CARD8: variants seen among roughly 807,000 people sequenced by gnomAD.
CARD8 encodes caspase recruitment domain-containing protein 8.
In CARD8, 38 loss-of-function variants were observed where a neutral mutation model predicts 53.2. The ratio of observed to expected loss-of-function variants is 0.71; its 90% CI spans 0.55 to 0.94. The LOEUF (loss-of-function observed/expected upper bound fraction) is 0.94. Among genes scored for constraint, CARD8 ranks in the 40% least tolerant of loss-of-function variants. The pLI is 0.00. For missense variants in CARD8, 561 were observed against 655.5 expected, an observed-to-expected ratio of 0.86 and a Z score of 1.57; for synonymous variants, 245 against 244.9, an observed-to-expected ratio of 1.00 and a Z score of 0.00.
At chr19:48,226,834 T>A (rs1411127611) in intron 10 of CARD8, among the ~76,000 whole-genome samples, 1 of 151,602 alleles carries the variant, frequency 6.6e-6, no homozygotes, top group Non-Finnish European at 1.5e-5. Flanking sequence ...AGAAAAGAAA[T>A]CGAGGCCGAG....
intron 3 of CARD8, among the ~76,000 whole-genome samples, chr19:48,248,655 G>C (rs772126681): frequency 6.6e-6 from 1 of 152,192 alleles, no homozygotes; most frequent in African/African-American, 2.4e-5. Context: ...TGAAAACACA[G>C]CCGCTTTGGA....
intron 3 of CARD8, among the ~76,000 whole-genome samples, chr19:48,242,798 A>G (rs2045427046): frequency 6.6e-6 from 1 of 152,100 alleles, no homozygotes; most frequent in Admixed American, 6.6e-5. Context: ...TGTTTTCCAA[A>G]GCGCCAATTT....
chr19:48,248,065 CTTAAA>C (rs550601405), intron 3 of CARD8, among the ~76,000 whole-genome samples: 280 of 152,146 alleles, frequency 1.8e-3, no homozygotes, highest in Admixed American at 3.5e-3. Context: ...TACTCTTCAC[CTTAAA>C]TTGTCTTTTT....
intron 10 of CARD8, among the ~76,000 whole-genome samples, chr19:48,225,830 A>T (rs1449442397): frequency 6.6e-6 from 1 of 152,144 alleles, no homozygotes; most frequent in African/African-American, 2.4e-5. Context: ...AGGCGGGTGG[A>T]TCACCTGAGG....
intron 10 of CARD8, among the ~76,000 whole-genome samples, chr19:48,226,560 A>C (rs1387064129): frequency 5.3e-5 from 8 of 152,160 alleles, no homozygotes. Flanking sequence ...GTACATGTGC[A>C]GATTTGTTGT....
chr19:48,225,552 A>T (rs1043970592), intron 10 of CARD8, among the ~76,000 whole-genome samples: 3 of 152,156 alleles, frequency 2.0e-5, no homozygotes, highest in African/African-American at 7.2e-5. Flanking sequence ...GGCTTTCGGA[A>T]GCAGAAATCT....
intron 3 of CARD8, among the ~76,000 whole-genome samples, chr19:48,246,082 C>T (rs554599593): frequency 3.1e-4 from 47 of 152,196 alleles, no homozygotes; most frequent in Middle Eastern, 3.4e-3. Context: ...TACTTGTTAT[C>T]CCTCCTTAGA....
intron 3 of CARD8, among the ~76,000 whole-genome samples, chr19:48,245,368 C>A (rs1044060563): frequency 6.6e-6 from 1 of 152,078 alleles, no homozygotes; most frequent in South Asian, 2.1e-4. Flanking sequence ...CACCACCATG[C>A]CTGGCTAATT....
At chr19:48,244,790 C>T (rs993160496) in intron 3 of CARD8, among the ~76,000 whole-genome samples, 16 of 152,044 alleles carry the variant, frequency 1.1e-4, no homozygotes, top group African/African-American at 3.9e-4. Flanking sequence ...GGTGAGAAGA[C>T]CAGGAAGTTG....
intron 11 of CARD8, among the ~76,000 whole-genome samples, chr19:48,219,699 G>A (rs1209440212): frequency 4.6e-5 from 7 of 152,074 alleles, no homozygotes; most frequent in African/African-American, 9.7e-5. Flanking sequence ...GGGCGGGCGC[G>A]GTGACTCACA....
At chr19:48,207,747 T>TGTTTTTTTTTTTTG (rs1326234561), downstream of CARD8, among the ~76,000 whole-genome samples, 1 of 139,810 alleles carries the variant, frequency 7.2e-6, no homozygotes, top group Non-Finnish European at 1.6e-5. Context: ...TTTTTTTTTT[T>TGTTTTTTTTTTTTG]TTTTTTGAGA....
At chr19:48,223,360 C>T (rs1446461356) in intron 10 of CARD8, among the ~76,000 whole-genome samples, 2 of 151,384 alleles carry the variant, frequency 1.3e-5, no homozygotes, top group Non-Finnish European at 2.9e-5. Context: ...AAAAGGATGG[C>T]CCATGGAGAA....
At chr19:48,230,006 A>G (rs111362560) in intron 10 of CARD8, among the ~76,000 whole-genome samples, 6,070 of 152,148 alleles carry the variant, frequency 0.04, 390 homozygotes, top group African/African-American at 0.13. Context: ...CCAGCTACTC[A>G]AGAGGCTGAG....
chr19:48,231,535 C>G, intron 8 of CARD8, 125 bp downstream of exon 8: 1 of 929,706 alleles, frequency 1.1e-6, no homozygotes, highest in Non-Finnish European at 1.6e-6. Flanking sequence ...GAACTCCTGA[C>G]CTTGTGATCC....
intron 10 of CARD8, among the ~76,000 whole-genome samples, chr19:48,222,088 C>A (rs2040767577): frequency 6.6e-6 from 1 of 152,136 alleles, no homozygotes; most frequent in Non-Finnish European, 1.5e-5. Context: ...AAAGATATCT[C>A]AGGGCCAAAG....
intron 1 of CARD8, 91 bp from the exon 2 acceptor site, chr19:48,249,938 G>T (rs568781542): frequency 6.6e-6 from 1 of 152,322 alleles, no homozygotes; most frequent in Admixed American, 6.5e-5. Context: ...CCCTCAGGAA[G>T]CTTTGCATCC....
At chr19:48,204,117 G>T (rs1345981077), downstream of CARD8, 1 of 453,854 alleles carries the variant, frequency 2.2e-6, no homozygotes, top group Non-Finnish European at 4.4e-6. Flanking sequence ...TGTCCAAAGG[G>T]TCTGGGCGCC....
chr19:48,230,744 C>T (rs747188833), intron 9 of CARD8, 33 bp downstream of exon 9: 17 of 1,612,596 alleles, frequency 1.1e-5, no homozygotes, highest in Admixed American at 1.7e-5. Context: ...CGCACCCCAG[C>T]GGCCCCCACA....
At chr19:48,205,499 G>C (rs2123518141), downstream of CARD8, among the ~76,000 whole-genome samples, 1 of 152,156 alleles carries the variant, frequency 6.6e-6, no homozygotes, top group Non-Finnish European at 1.5e-5. Flanking sequence ...CAAAGTGCTG[G>C]GATTATAGGC....
Sources: gnomAD v4.1 joint callset for allele counts (sites outside exome capture counted in the v4.1 genomes callset) on GRCh38, gnomAD v4.1.1 for gene constraint, MANE v1.5 for transcripts, NCBI Gene and HGNC (gene_info 2026-07-23, HGNC 2026-07-21) for gene names.